The following TUT7 variants were observed in gnomAD, a reference collection of about 807,000 sequenced individuals.
The protein encoded by TUT7 is terminal uridylyltransferase 7.
A neutral mutation model predicts 165.9 loss-of-function variants in TUT7; 33 were observed. The observed-to-expected ratio is 0.20, with a 90% confidence interval of 0.15 to 0.27. The LOEUF is 0.27. Among genes scored for constraint, TUT7 ranks in the 10% least tolerant of loss-of-function variants. TUT7 has a pLI of 1.00. For synonymous variants in TUT7, 552 were observed against 608.1 expected, an observed-to-expected ratio of 0.91 and a Z score of 1.36; for missense variants, 1,338 against 1,762.3, an observed-to-expected ratio of 0.76 and a Z score of 4.31.
intron 26 of TUT7, among the ~76,000 whole-genome samples, chr9:86,299,038 C>A (rs1218171342): frequency 6.6e-6 from 1 of 152,142 alleles, no homozygotes; most frequent in Non-Finnish European, 1.5e-5. Context: ...GCACCACACC[C>A]GCGCAGGACA....
intron 24 of TUT7, among the ~76,000 whole-genome samples, chr9:86,303,462 C>T (rs1303228790): frequency 6.6e-6 from 1 of 152,140 alleles, no homozygotes; most frequent in African/African-American, 2.4e-5. Context: ...GGTTTAAGCA[C>T]ACTTCTAAAG....
At chr9:86,315,882 T>C (rs1215259359) in intron 17 of TUT7, among the ~76,000 whole-genome samples, 1 of 152,162 alleles carries the variant, frequency 6.6e-6, no homozygotes, top group Non-Finnish European at 1.5e-5. Flanking sequence ...AGATTTTTTT[T>C]CCTCCTGTTA....
chr9:86,288,405 C>T lies in TUT7; in HGVS notation c.*272G>A, dbSNP rs944360903. ...AAACTGTATTCACTGAATACCGGTCCATAGTTATATTTTTTCTTTTAACGT... is the reference window on the plus strand; with the variant it reads ...AAACTGTATTCACTGAATACCGGTCTATAGTTATATTTTTTCTTTTAACGT... On this transcript the variant is annotated 3_prime_UTR_variant, in exon 27 of 27. Coordinates refer to ENST00000375963, the MANE Select transcript of TUT7 (RefSeq NM_024617.4). 8.1e-5 allele frequency: 19 copies of T among 235,990 alleles called. No homozygotes were observed. The highest frequency in any genetic ancestry group is 4.0e-4 in the African/African-American group (18 of 44,456). The allele number at this position is 235,990 out of a possible 1,614,324, so 14.6% of individuals were successfully genotyped here.
At chr9:86,296,635 C>T (rs571371540) in intron 26 of TUT7, among the ~76,000 whole-genome samples, 1 of 152,346 alleles carries the variant, frequency 6.6e-6, no homozygotes, top group African/African-American at 2.4e-5. Flanking sequence ...ATGAGATAAA[C>T]GGTGTTAACA....
At chr9:86,315,406 C>G (rs1172639650) in intron 17 of TUT7, among the ~76,000 whole-genome samples, 20 of 152,094 alleles carry the variant, frequency 1.3e-4, no homozygotes, top group Non-Finnish European at 2.4e-4. Context: ...AGCTTAATCT[C>G]AAATGGTACA....
chr9:86,337,627 T>C, intron 9 of TUT7, 89 bp from the exon 10 acceptor site: 1 of 1,405,010 alleles, frequency 7.1e-7, no homozygotes, highest in Admixed American at 2.4e-5. Context: ...ACCTCATTCT[T>C]GTTTACTACA....
chr9:86,288,692 G>C lies in TUT7; in HGVS notation c.4473C>G (p.Thr1491=). The C allele has an allele frequency of 6.2e-7, 1 of 1,613,822 alleles. No individual in the cohort carries two copies. The highest frequency in any genetic ancestry group is 1.1e-5 in the South Asian group (1 of 91,046). Reference sequence around the variant, plus strand: ...TTTCCTTCCCTCATGATTCCTGCTGGGTCCTCTTCGCTGAGGCTTTTCCCT... The same window carrying C: ...TTTCCTTCCCTCATGATTCCTGCTGCGTCCTCTTCGCTGAGGCTTTTCCCT... The part of the protein sequence containing the change: ...MTQGKASAKR[T]QQES Residue 1491 remains threonine, a synonymous_variant, in exon 27 of 27, where the codon ACC becomes ACG. Transcript: ENST00000375963.
At chr9:86,294,794 G>A (rs2131266361) in intron 26 of TUT7, among the ~76,000 whole-genome samples, 1 of 150,740 alleles carries the variant, frequency 6.6e-6, no homozygotes, top group Non-Finnish European at 1.5e-5. Context: ...ACAACATGCA[G>A]GTTTGTTACA....
At chr9:86,346,530 T>G in intron 2 of TUT7, 50 bp from the exon 3 acceptor site, 1 of 1,567,358 alleles carries the variant, frequency 6.4e-7, no homozygotes, top group Non-Finnish European at 8.7e-7. Flanking sequence ...ATGCCACTCC[T>G]GAGTAAAAAG....
At chr9:86,317,349 T>C (rs1828815584) in intron 16 of TUT7, 73 bp from the exon 17 acceptor site, 3 of 1,200,568 alleles carry the variant, frequency 2.5e-6, no homozygotes, top group Non-Finnish European at 3.7e-6. Flanking sequence ...TAGTTTCCAT[T>C]ACCTTCAGAA....
chr9:86,342,848 C>A (rs1222725104), intron 6 of TUT7, among the ~76,000 whole-genome samples: 2 of 151,898 alleles, frequency 1.3e-5, no homozygotes, highest in Non-Finnish European at 1.5e-5. Flanking sequence ...ATCAGGTGCA[C>A]ATGGTTGAAA....
At chr9:86,301,624 A>G in intron 25 of TUT7, 23 bp from the exon 26 acceptor site, 1 of 1,580,936 alleles carries the variant, frequency 6.3e-7, no homozygotes, top group Non-Finnish European at 8.6e-7. Context: ...TCATATTAGT[A>G]GCAAAAATCT....
At chr9:86,312,291 G>T (rs1371065500) in intron 17 of TUT7, among the ~76,000 whole-genome samples, 1 of 151,698 alleles carries the variant, frequency 6.6e-6, no homozygotes, top group African/African-American at 2.4e-5. Context: ...GGGATGTGAG[G>T]AGCGTCTCTG....
intron 2 of TUT7, among the ~76,000 whole-genome samples, chr9:86,348,704 A>ATT (rs1209723302): frequency 6.6e-6 from 1 of 152,148 alleles, no homozygotes; most frequent in African/African-American, 2.4e-5. Flanking sequence ...GTGAGTCATG[A>ATT]TTGCGCCATT....
chr9:86,346,632 C>T, intron 2 of TUT7, 152 bp from the exon 3 acceptor site: 1 of 731,612 alleles, frequency 1.4e-6, no homozygotes, highest in East Asian at 2.6e-5. Flanking sequence ...GGACAAAATG[C>T]TTTAATACTG....
intron 22 of TUT7, among the ~76,000 whole-genome samples, chr9:86,306,038 T>A (rs1827439795): frequency 6.6e-6 from 1 of 152,176 alleles, no homozygotes; most frequent in African/African-American, 2.4e-5. Context: ...TATTTCTAAA[T>A]CCAAATACTG....
intron 10 of TUT7, 136 bp downstream of exon 10, chr9:86,337,283 G>A: frequency 1.0e-6 from 1 of 965,082 alleles, no homozygotes; most frequent in East Asian, 2.6e-5. Context: ...TGAAAGGTAT[G>A]AATATTCACA....
chr9:86,322,239 A>C, intron 14 of TUT7, 86 bp downstream of exon 14: 1 of 1,238,326 alleles, frequency 8.1e-7, no homozygotes. Context: ...TAATGTTTAG[A>C]GACCTAAATA....
intron 10 of TUT7, among the ~76,000 whole-genome samples, chr9:86,335,274 T>C (rs1420259999): frequency 6.6e-6 from 1 of 152,172 alleles, no homozygotes; most frequent in African/African-American, 2.4e-5. Flanking sequence ...ATCACCCTTT[T>C]TTCTACTATA....
Sources: gnomAD v4.1 joint callset for allele counts (sites outside exome capture counted in the v4.1 genomes callset) on GRCh38, gnomAD v4.1.1 for gene constraint, MANE v1.5 for transcripts, NCBI Gene and HGNC (gene_info 2026-07-23, HGNC 2026-07-21) for gene names.